PRDM16: variants seen among roughly 807,000 people sequenced by gnomAD.
PRDM16 encodes histone-lysine N-methyltransferase PRDM16.
In PRDM16, 23 loss-of-function variants were observed where a neutral mutation model predicts 110.6. The ratio of observed to expected loss-of-function variants is 0.21; its 90% CI spans 0.15 to 0.29. The LOEUF is 0.29. Ranked by LOEUF, PRDM16 falls within the 10% of genes least tolerant of loss-of-function variation. The pLI, the probability that PRDM16 is intolerant of heterozygous loss-of-function variation, is 1.00. For missense variants in PRDM16, 1,615 were observed against 1,794.3 expected (o/e 0.90, Z 1.81); for synonymous variants, 799 against 781.8 (o/e 1.02, Z -0.37).
At chr1:3,183,877 G>T (rs1221733867) in intron 1 of PRDM16, among the ~76,000 whole-genome samples, 1 of 152,192 alleles carries the variant, frequency 6.6e-6, no homozygotes, top group Non-Finnish European at 1.5e-5. Context: ...TCGGGCAGAG[G>T]CGCCCACGCC....
In PRDM16 at chr1:3,290,417, A is replaced by G. The variant is rs913343386; in HGVS notation, c.438+46280A>G. Among the ~76,000 whole-genome samples the G allele has an allele frequency of 1.3e-5, 2 of 152,158 alleles. No individual in the cohort carries two copies. Among genetic ancestry groups the G allele is most frequent in the Admixed American group, 6.5e-5 (1 of 15,282 alleles). On this transcript the variant is annotated intron_variant, in intron 3 of 16. Coordinates refer to ENST00000270722, the MANE Select transcript of PRDM16 (RefSeq NM_022114.4). This position sits in a 1 kb window ranked among gnomAD's most constrained non-coding sequence, Gnocchi z 4.8. ...AGAGGGGGAAATTTGCCGGTTCCCC[A>G]AAGAGCCTGCTGCCTCCACCTGCTG...
At chr1:3,294,606 C>A (rs779822778) in intron 3 of PRDM16, among the ~76,000 whole-genome samples, 1 of 152,112 alleles carries the variant, frequency 6.6e-6, no homozygotes, top group South Asian at 2.1e-4. Context: ...GAGCAGCCCG[C>A]GTTAGAACAG....
At chr1:3,235,759 C>T (rs1569897153) in intron 2 of PRDM16, among the ~76,000 whole-genome samples, 2 of 152,246 alleles carry the variant, frequency 1.3e-5, no homozygotes, top group East Asian at 3.9e-4. Flanking sequence ...GGGGTCCCTG[C>T]CATGTAGACC....
intron 3 of PRDM16, among the ~76,000 whole-genome samples, chr1:3,270,829 C>T (rs921659487): frequency 2.5e-4 from 38 of 151,246 alleles, no homozygotes; most frequent in African/African-American, 7.1e-4. Flanking sequence ...GGAGGAAAGT[C>T]GGGAGGAGTA....
chr1:3,238,353 A>G (rs1639585389), intron 2 of PRDM16, among the ~76,000 whole-genome samples: 2 of 152,130 alleles, frequency 1.3e-5, no homozygotes. Context: ...GACTGTGTAA[A>G]TATTTTTCTT....
intron 3 of PRDM16, among the ~76,000 whole-genome samples, chr1:3,289,756 C>T (rs1396196074): frequency 6.6e-6 from 1 of 152,170 alleles, no homozygotes; most frequent in East Asian, 1.9e-4. Context: ...CAGCCACGGC[C>T]TTCACAGCTG....
At chr1:3,410,564 C>G (rs1643668774) in intron 8 of PRDM16, among the ~76,000 whole-genome samples, 1 of 152,200 alleles carries the variant, frequency 6.6e-6, no homozygotes, top group East Asian at 1.9e-4. Flanking sequence ...GAGTTGGGGC[C>G]TCCTGAGAAC....
At chr1:3,124,021 T>G (rs886329666) in intron 1 of PRDM16, among the ~76,000 whole-genome samples, 1 of 152,180 alleles carries the variant, frequency 6.6e-6, no homozygotes, top group Admixed American at 6.5e-5. Flanking sequence ...CCAGGCTTTG[T>G]GTGGAATGAC....
In PRDM16 at chr1:3,425,667, A is replaced by C; in HGVS notation, c.3026A>C (p.Lys1009Thr). The C allele has an allele frequency of 1.2e-6, 2 of 1,613,982 alleles. No homozygotes were observed. Among genetic ancestry groups the C allele is most frequent in the Non-Finnish European group, 1.7e-6 (2 of 1,179,954 alleles). ...RNIHNKEKPFKCHLCNRCFGQ... is the reference protein window; with the variant it reads ...RNIHNKEKPFTCHLCNRCFGQ... ...ATCCACAACAAGGAGAAGCCTTTCA[A>C]GTGCCACCTGTGCAACCGCTGCTTC... Residue 1009 changes from lysine (K) to threonine (T), a missense_variant, in exon 13 of 17, where the codon AAG becomes ACG. This residue lies in a region of PRDM16 where 327 missense variants were observed against 359.3 expected (regional missense o/e 0.91). Transcript: ENST00000270722. The surrounding 1 kb of genome is among the most constrained non-coding windows in gnomAD (Gnocchi z 6.9).
chr1:3,198,871 C>T (rs542876538), intron 2 of PRDM16, among the ~76,000 whole-genome samples: 56 of 152,280 alleles, frequency 3.7e-4, no homozygotes, highest in African/African-American at 1.3e-3. Flanking sequence ...TACCTACGTC[C>T]ACTCCGTTCC....
intron 2 of PRDM16, among the ~76,000 whole-genome samples, chr1:3,214,103 C>G (rs1383334297): frequency 6.6e-6 from 1 of 152,054 alleles, no homozygotes; most frequent in Non-Finnish European, 1.5e-5. Context: ...GCTTGGCCAG[C>G]AAAAAGTGTG....
At chr1:3,322,547 G>A (rs758981592) in intron 3 of PRDM16, among the ~76,000 whole-genome samples, 10 of 151,726 alleles carry the variant, frequency 6.6e-5, no homozygotes, top group East Asian at 1.9e-4. Flanking sequence ...GGCCAGTGGC[G>A]GAGAGGCCAC....
intron 1 of PRDM16, among the ~76,000 whole-genome samples, chr1:3,110,896 G>A (rs575396227): frequency 6.6e-6 from 1 of 152,298 alleles, no homozygotes; most frequent in Non-Finnish European, 1.5e-5. Context: ...AGTCCTTGCC[G>A]CCTGATGCCC....
Position 3,085,086 on chromosome 1 carries a change from G to A in PRDM16, c.37+15790G>A, listed in dbSNP as rs575384640. 2.6e-5 allele frequency among the ~76,000 whole-genome samples: 4 copies of A among 152,340 alleles called. No individual in the cohort carries two copies. The East Asian group carries it at 7.7e-4, about 29-fold the overall frequency. Reference sequence around the variant, plus strand: ...CCTCTCTGTGTCAATGGACAGCCTAGGCAGCAGAATAGTTACTTCTCACTG... The same window carrying A: ...CCTCTCTGTGTCAATGGACAGCCTAAGCAGCAGAATAGTTACTTCTCACTG... On this transcript the variant is annotated intron_variant, in intron 1 of 16. Coordinates refer to ENST00000270722, the MANE Select transcript of PRDM16 (RefSeq NM_022114.4).
At chr1:3,291,042 C>G (rs1557585325) in intron 3 of PRDM16, among the ~76,000 whole-genome samples, 1 of 151,914 alleles carries the variant, frequency 6.6e-6, no homozygotes, top group Non-Finnish European at 1.5e-5. Context: ...AGGAGAGATG[C>G]AGGAGGATCG....
intron 3 of PRDM16, among the ~76,000 whole-genome samples, chr1:3,256,757 T>C (rs947563106): frequency 6.6e-6 from 1 of 152,064 alleles, no homozygotes; most frequent in Non-Finnish European, 1.5e-5. Flanking sequence ...CTAGGGAGGC[T>C]GAGGCAGGAG....
chr1:3,257,890 G>C (rs1442315872), intron 3 of PRDM16, among the ~76,000 whole-genome samples: 1 of 152,166 alleles, frequency 6.6e-6, no homozygotes, highest in East Asian at 1.9e-4. Context: ...GAGGAGGTGA[G>C]TGAGAACCAG....
At chr1:3,263,954 C>T (rs530401396) in intron 3 of PRDM16, among the ~76,000 whole-genome samples, 2 of 152,266 alleles carry the variant, frequency 1.3e-5, no homozygotes, top group Admixed American at 1.3e-4. Context: ...CTCTGTGACC[C>T]CCACTTCATC....
chr1:3,113,786 G>T (rs1267670469), intron 1 of PRDM16, among the ~76,000 whole-genome samples: 1 of 152,218 alleles, frequency 6.6e-6, no homozygotes, highest in Non-Finnish European at 1.5e-5. Flanking sequence ...GGCAGAGGCT[G>T]CATCCTGGCA....
Sources: allele counts gnomAD v4.1 joint callset (sites outside exome capture counted in the v4.1 genomes callset), GRCh38; gene constraint gnomAD v4.1.1; regional missense constraint gnomAD v4.1.1; non-coding constraint Gnocchi (gnomAD v3.1); transcripts MANE v1.5; gene names NCBI Gene and HGNC (gene_info 2026-07-23, HGNC 2026-07-21).